Variants in CDH20 observed in about 807,000 individuals in gnomAD.
CDH20 encodes the protein cadherin-20.
In CDH20, 29 loss-of-function variants were observed where a neutral mutation model predicts 74.2. That is an observed-to-expected ratio of 0.39 (90% confidence interval 0.29 to 0.53). CDH20 has a LOEUF of 0.53. Among genes scored for constraint, CDH20 ranks in the 20% least tolerant of loss-of-function variants. CDH20 has a pLI of 0.69. For synonymous variants in CDH20, 469 were observed against 405.4 expected (o/e 1.16, Z -1.88); for missense variants, 988 against 1,048.3 (o/e 0.94, Z 0.79).
In CDH20 at chr18:61,456,650, A is replaced by T. The variant is rs1485173972; in HGVS notation, c.-152-33752A>T. 2.1e-5 allele frequency among the ~76,000 whole-genome samples: 3 copies of T among 144,650 alleles called. No homozygotes were observed. The East Asian group carries it at 5.9e-4, about 28-fold the overall frequency. 94.9% of individuals were successfully genotyped at this position (144,650 alleles called of 152,430 possible). ...ATTTTGCAATGAAACACTTTATCTT[A>T]AAAAAAAAACAAAAAACACAAAAAA... On this transcript the variant is annotated intron_variant, in intron 1 of 11. Transcript: ENST00000262717.
intron 1 of CDH20, among the ~76,000 whole-genome samples, chr18:61,384,288 C>A (rs1911526814): frequency 6.6e-6 from 1 of 152,092 alleles, no homozygotes; most frequent in African/African-American, 2.4e-5. Flanking sequence ...TGTATCTCAT[C>A]AGGAGAACGA....
chr18:61,472,675 T>A (rs1342437169), intron 1 of CDH20, among the ~76,000 whole-genome samples: 1 of 152,232 alleles, frequency 6.6e-6, no homozygotes, highest in Non-Finnish European at 1.5e-5. Flanking sequence ...GTCAATGTAA[T>A]TCCTGTGGGA....
At chr18:61,540,534 C>T (rs1481255720) in intron 9 of CDH20, among the ~76,000 whole-genome samples, 1 of 152,160 alleles carries the variant, frequency 6.6e-6, no homozygotes, top group Non-Finnish European at 1.5e-5. Context: ...AAAAGGGAAA[C>T]CCCTTATAAA....
At chr18:61,532,254 T>C (rs570400413) in intron 7 of CDH20, among the ~76,000 whole-genome samples, 1 of 152,242 alleles carries the variant, frequency 6.6e-6, no homozygotes, top group East Asian at 1.9e-4. Flanking sequence ...ATATAGGTGA[T>C]GTGTGCTGAG....
chr18:61,460,930 T>G (rs1909744994), intron 1 of CDH20, among the ~76,000 whole-genome samples: 1 of 152,216 alleles, frequency 6.6e-6, no homozygotes, highest in Admixed American at 6.5e-5. Flanking sequence ...TTTTGGTATT[T>G]TTAAGTCAGA....
intron 1 of CDH20, among the ~76,000 whole-genome samples, chr18:61,344,707 G>A (rs1255768956): frequency 6.6e-6 from 1 of 152,112 alleles, no homozygotes; most frequent in Non-Finnish European, 1.5e-5. Context: ...AATGTCTATG[G>A]AAGAAAGATT....
rs1910364504 is a variant in CDH20, at chr18:61,353,097, C to T, written c.-153+19270C>T. The stretch of plus-strand genomic sequence containing the variant: ...ATTTTATGGCTACCCTGGTCACCTC[C>T]CCTGCAATCACCTCCATGATGTGTG... On this transcript the variant is annotated intron_variant, in intron 1 of 11. Transcript: ENST00000262717. The surrounding 1 kb of genome is among the most constrained non-coding windows in gnomAD (Gnocchi z 4.6). 6.6e-6 allele frequency among the ~76,000 whole-genome samples: 1 copy of T among 152,212 alleles called. No homozygotes were observed. Among genetic ancestry groups the T allele is most frequent in the Admixed American group, 6.5e-5 (1 of 15,288 alleles).
rs73963097 is a variant in CDH20 at position 61,435,712 on chromosome 18, T to C, written c.-152-54690T>C. On this transcript the variant is annotated intron_variant, in intron 1 of 11. Coordinates refer to ENST00000262717, the MANE Select transcript of CDH20 (RefSeq NM_031891.4). ...AGCTTTAAATTATATATTAATGTAT[T>C]ATATTAAATTATAACATAAATATAA... Among the ~76,000 whole-genome samples, 587 of 149,796 alleles carry C rather than the reference T, an allele frequency of 3.9e-3. 1 individual carries two copies. Among genetic ancestry groups the C allele is most frequent in the African/African-American group, 0.014 (561 of 41,138 alleles).
intron 1 of CDH20, among the ~76,000 whole-genome samples, chr18:61,483,604 A>G (rs1157503636): frequency 6.6e-6 from 1 of 152,104 alleles, no homozygotes; most frequent in Non-Finnish European, 1.5e-5. Context: ...GCCTATTCCT[A>G]TTATTATTTC....
At chr18:61,429,471 A>G (rs1913180905) in intron 1 of CDH20, among the ~76,000 whole-genome samples, 1 of 152,166 alleles carries the variant, frequency 6.6e-6, no homozygotes, top group African/African-American at 2.4e-5. Flanking sequence ...AATCACAATT[A>G]TTATGTATGT....
At chr18:61,544,394 G>A (rs756816869) in intron 9 of CDH20, among the ~76,000 whole-genome samples, 1 of 152,224 alleles carries the variant, frequency 6.6e-6, no homozygotes, top group Non-Finnish European at 1.5e-5. Context: ...CAAGGACACA[G>A]GGCCAGTGTG....
intron 1 of CDH20, among the ~76,000 whole-genome samples, chr18:61,341,775 A>T (rs1471212080): frequency 6.6e-6 from 1 of 152,212 alleles, no homozygotes; most frequent in Admixed American, 6.5e-5. Flanking sequence ...AAGATTAAAT[A>T]ACACTTTTGT....
chr18:61,523,269 A>T (rs1912274737), intron 6 of CDH20, among the ~76,000 whole-genome samples: 1 of 152,174 alleles, frequency 6.6e-6, no homozygotes, highest in Admixed American at 6.5e-5. Flanking sequence ...ATATGAACAG[A>T]CACTTCTCAA....
intron 1 of CDH20, among the ~76,000 whole-genome samples, chr18:61,453,434 T>G (rs1039394491): frequency 2.6e-5 from 4 of 152,070 alleles, no homozygotes; most frequent in Non-Finnish European, 5.9e-5. Context: ...TGTGCCACCG[T>G]GCCCAGCTAA....
chr18:61,343,458 C>T (rs1390679270), intron 1 of CDH20, among the ~76,000 whole-genome samples: 72 of 152,276 alleles, frequency 4.7e-4, no homozygotes, highest in Admixed American at 4.7e-3. Flanking sequence ...AGTGCCTCTA[C>T]CCAAGACCGC....
At chr18:61,442,480 G>A (rs1244509013) in intron 1 of CDH20, among the ~76,000 whole-genome samples, 2 of 151,738 alleles carry the variant, frequency 1.3e-5, no homozygotes, top group African/African-American at 4.8e-5. Flanking sequence ...CTGGCCAAAT[G>A]AGGGCTGCCC....
chr18:61,506,535 T>G (rs1175784077), intron 5 of CDH20, among the ~76,000 whole-genome samples: 1 of 152,218 alleles, frequency 6.6e-6, no homozygotes, highest in African/African-American at 2.4e-5. Context: ...TTTTCTTTGT[T>G]ATTTAGTCAG....
At chr18:61,550,800 G>A (rs1913408059) in intron 11 of CDH20, among the ~76,000 whole-genome samples, 1 of 152,194 alleles carries the variant, frequency 6.6e-6, no homozygotes, top group Admixed American at 6.5e-5. Flanking sequence ...GAGGGATAAG[G>A]TATCCTGGTT....
intron 1 of CDH20, among the ~76,000 whole-genome samples, chr18:61,373,576 A>G (rs1037613083): frequency 2.4e-4 from 36 of 152,082 alleles, no homozygotes; most frequent in Non-Finnish European, 4.3e-4. Context: ...ACACACCTTA[A>G]TTCCCCACCA....
Sources: gnomAD v4.1 joint callset for allele counts (sites outside exome capture counted in the v4.1 genomes callset) on GRCh38, gnomAD v4.1.1 for gene constraint, Gnocchi (gnomAD v3.1) non-coding constraint, MANE v1.5 for transcripts, NCBI Gene and HGNC (gene_info 2026-07-23, HGNC 2026-07-21) for gene names.